Variants in CMSS1 observed in about 807,000 individuals in gnomAD.
CMSS1 encodes the protein protein CMSS1.
In CMSS1, 33 loss-of-function variants were observed where a neutral mutation model predicts 43.5. That is an observed-to-expected ratio of 0.76 (90% CI 0.57 to 1.01). The LOEUF (loss-of-function observed/expected upper bound fraction) is 1.01, where lower values mean the gene tolerates loss of function less well. Among genes scored for constraint, CMSS1 ranks in the 50% least tolerant of loss-of-function variants. CMSS1 has a pLI of 0.00. For missense variants in CMSS1, 313 were observed against 326.4 expected (o/e 0.96, Z 0.32); for synonymous variants, 115 against 117.2 (o/e 0.98, Z 0.12).
intron 1 of CMSS1, among the ~76,000 whole-genome samples, chr3:100,144,709 T>C (rs139650683): frequency 1.4e-4 from 21 of 152,346 alleles, no homozygotes; most frequent in African/African-American, 4.8e-4. Context: ...TTAGTCTTGC[T>C]AGGCTTCCTC....
chr3:100,167,091 A>AT (rs2067072021), intron 5 of CMSS1, among the ~76,000 whole-genome samples: 1 of 152,164 alleles, frequency 6.6e-6, no homozygotes, highest in Admixed American at 6.5e-5. Context: ...TAAATTATTC[A>AT]TATCAACTGT....
At chr3:99,978,159 T>C (rs2107728214) in intron 1 of CMSS1, among the ~76,000 whole-genome samples, 1 of 151,890 alleles carries the variant, frequency 6.6e-6, no homozygotes, top group South Asian at 2.1e-4. Context: ...AGACTAAGAG[T>C]AGTATATAAA....
rs969359807 is a variant in CMSS1, at chr3:99,952,992, G to T, written c.64+134949G>T. Among the ~76,000 whole-genome samples, 7 of 152,164 alleles carry T rather than the reference G, an allele frequency of 4.6e-5. No individual in the cohort carries two copies. In the East Asian group the frequency reaches 7.7e-4, roughly 17 times the overall value. On this transcript the variant is annotated intron_variant, in intron 1 of 9. Transcript: ENST00000421999. Reference sequence around the variant, plus strand: ...GATTTGGTTTTTGTCACTGAACTGAGTGGTCTCTGAAGGTGGATTTTCTCA... The same window carrying T: ...GATTTGGTTTTTGTCACTGAACTGATTGGTCTCTGAAGGTGGATTTTCTCA...
intron 1 of CMSS1, among the ~76,000 whole-genome samples, chr3:99,887,128 G>A (rs150206320): frequency 1.9e-3 from 293 of 151,888 alleles, no homozygotes; most frequent in African/African-American, 6.2e-3. Context: ...AAAATTAGCC[G>A]GGCATGGTGG....
At chr3:100,022,337 T>C (rs921471327) in intron 1 of CMSS1, among the ~76,000 whole-genome samples, 1 of 152,208 alleles carries the variant, frequency 6.6e-6, no homozygotes, top group Non-Finnish European at 1.5e-5. Context: ...ATATCAGCCC[T>C]TGGGCTTCAC....
intron 1 of CMSS1, among the ~76,000 whole-genome samples, chr3:99,879,716 A>T (rs1403281996): frequency 6.6e-6 from 1 of 152,226 alleles, no homozygotes; most frequent in African/African-American, 2.4e-5. Flanking sequence ...TGAGATGGTA[A>T]TGCTAACTTT....
intron 1 of CMSS1, among the ~76,000 whole-genome samples, chr3:100,038,549 A>G (rs2065149032): frequency 6.6e-6 from 1 of 152,242 alleles, no homozygotes. Flanking sequence ...TGTAATTGCA[A>G]AAGATTGGAA....
intron 1 of CMSS1, among the ~76,000 whole-genome samples, chr3:99,990,584 C>A (rs1709482949): frequency 6.6e-6 from 1 of 152,124 alleles, no homozygotes; most frequent in Non-Finnish European, 1.5e-5. Flanking sequence ...TGGAGAGCCT[C>A]TAAATAATAC....
intron 1 of CMSS1, among the ~76,000 whole-genome samples, chr3:100,018,735 CAAA>C (rs61527233): frequency 3.9e-4 from 47 of 120,160 alleles, no homozygotes; most frequent in Admixed American, 5.0e-4. Context: ...TTCCGCATAG[CAAA>C]AAAAAAAAAA....
At chr3:99,891,248 T>C (rs1228335585) in intron 1 of CMSS1, among the ~76,000 whole-genome samples, 1 of 152,156 alleles carries the variant, frequency 6.6e-6, no homozygotes, top group East Asian at 1.9e-4. Context: ...GTCTGGGTAA[T>C]GTGGGTACTT....
intron 1 of CMSS1, among the ~76,000 whole-genome samples, chr3:99,994,877 A>G (rs1353805428): frequency 6.6e-6 from 1 of 152,178 alleles, no homozygotes; most frequent in Non-Finnish European, 1.5e-5. Flanking sequence ...AACTGCCTTC[A>G]TGATTCAAAT....
At chr3:100,159,294 A>C (rs1375762614) in intron 2 of CMSS1, among the ~76,000 whole-genome samples, 3 of 152,214 alleles carry the variant, frequency 2.0e-5, no homozygotes, top group Non-Finnish European at 4.4e-5. Context: ...GAACTTTTTA[A>C]ATCTATTTCT....
intron 1 of CMSS1, among the ~76,000 whole-genome samples, chr3:99,911,446 G>T (rs1706784397): frequency 6.6e-6 from 1 of 151,788 alleles, no homozygotes; most frequent in Non-Finnish European, 1.5e-5. Context: ...CTAACAACTT[G>T]CCAGTGGTGG....
At chr3:100,027,892 G>A (rs1439723581) in intron 1 of CMSS1, among the ~76,000 whole-genome samples, 3 of 152,148 alleles carry the variant, frequency 2.0e-5, no homozygotes, top group Non-Finnish European at 2.9e-5. Flanking sequence ...GGGAGTGAGA[G>A]GGAAAGTGGT....
intron 1 of CMSS1, among the ~76,000 whole-genome samples, chr3:99,880,659 T>C (rs1705695065): frequency 6.6e-6 from 1 of 152,090 alleles, no homozygotes; most frequent in Non-Finnish European, 1.5e-5. Context: ...AAAATTAATT[T>C]AAAATTTTTT....
chr3:100,021,556 G>A (rs1041798021), intron 1 of CMSS1, among the ~76,000 whole-genome samples: 20 of 152,282 alleles, frequency 1.3e-4, no homozygotes, highest in Admixed American at 6.5e-5. Context: ...AGGAGCTATC[G>A]TGAGCTCTTG....
intron 1 of CMSS1, among the ~76,000 whole-genome samples, chr3:99,883,479 C>G (rs1349458591): frequency 2.0e-5 from 3 of 152,164 alleles, no homozygotes; most frequent in African/African-American, 7.2e-5. Context: ...TCAGCATTAT[C>G]AGAGTTATCC....
intron 1 of CMSS1, among the ~76,000 whole-genome samples, chr3:99,989,450 C>G (rs1209228952): frequency 6.6e-6 from 1 of 152,126 alleles, no homozygotes; most frequent in East Asian, 1.9e-4. Context: ...TTCTGGAGAC[C>G]CAAAACTACA....
intron 1 of CMSS1, among the ~76,000 whole-genome samples, chr3:100,134,127 T>C (rs923981598): frequency 6.6e-6 from 1 of 152,202 alleles, no homozygotes; most frequent in South Asian, 2.1e-4. Flanking sequence ...TTTTTTCTTA[T>C]GAAATTTCTG....
Sources: allele counts gnomAD v4.1 joint callset (sites outside exome capture counted in the v4.1 genomes callset), GRCh38; gene constraint gnomAD v4.1.1; transcripts MANE v1.5; gene names NCBI Gene and HGNC (gene_info 2026-07-23, HGNC 2026-07-21).